The following SEMA3D variants were observed in gnomAD, a reference collection of about 807,000 sequenced individuals.
SEMA3D encodes semaphorin-3D.
In SEMA3D, 84 loss-of-function variants were observed where a neutral mutation model predicts 100.1. That is an observed-to-expected ratio of 0.84 (90% CI 0.70 to 1.01). The LOEUF is 1.01. SEMA3D is among the 50% of genes least tolerant of loss of function. The pLI is 0.00. For missense variants in SEMA3D, 875 were observed against 934.1 expected, an observed-to-expected ratio of 0.94 and a Z score of 0.82; for synonymous variants, 312 against 320.7, an observed-to-expected ratio of 0.97 and a Z score of 0.29.
At chr7:85,007,249 A>G (rs1387777974) in intron 17 of SEMA3D, among the ~76,000 whole-genome samples, 1 of 151,862 alleles carries the variant, frequency 6.6e-6, no homozygotes, top group Non-Finnish European at 1.5e-5. Context: ...AGCTGAATAA[A>G]TCTTTTGCAT....
At chr7:85,173,353 T>A (rs1048798655) in intron 1 of SEMA3D, among the ~76,000 whole-genome samples, 2 of 152,096 alleles carry the variant, frequency 1.3e-5, no homozygotes, top group African/African-American at 4.8e-5. Context: ...GGCTGACTCT[T>A]CTGTGGCAAC....
chr7:85,084,817 A>T (rs369582048), intron 4 of SEMA3D, among the ~76,000 whole-genome samples: 6 of 152,210 alleles, frequency 3.9e-5, no homozygotes, highest in African/African-American at 9.6e-5. Flanking sequence ...CTATATATCC[A>T]TGTATTCTCA....
chr7:85,087,388 A>G (rs1788252616), intron 4 of SEMA3D, among the ~76,000 whole-genome samples: 1 of 152,224 alleles, frequency 6.6e-6, no homozygotes, highest in Non-Finnish European at 1.5e-5. Flanking sequence ...CTTGATATCA[A>G]GGACTGCAAA....
At chr7:85,056,986 A>G (rs1008166668) in intron 8 of SEMA3D, among the ~76,000 whole-genome samples, 2 of 150,844 alleles carry the variant, frequency 1.3e-5, no homozygotes, top group Non-Finnish European at 3.0e-5. Context: ...TTATTAAGAT[A>G]GTTATGGGGC....
chr7:85,031,614 G>A (rs901509022), intron 12 of SEMA3D, among the ~76,000 whole-genome samples: 3 of 151,878 alleles, frequency 2.0e-5, no homozygotes, highest in Non-Finnish European at 4.4e-5. Context: ...AGTAGAGTAA[G>A]TTTCATTCCA....
At chr7:85,089,633 C>A (rs952942095) in intron 4 of SEMA3D, among the ~76,000 whole-genome samples, 1 of 152,078 alleles carries the variant, frequency 6.6e-6, no homozygotes, top group Admixed American at 6.6e-5. Flanking sequence ...GTAATCCTAG[C>A]ACTTTGGGAT....
At chr7:85,143,233 G>A (rs568536322) in intron 2 of SEMA3D, 1 of 684,942 alleles carries the variant, frequency 1.5e-6, no homozygotes, top group East Asian at 1.3e-4. Context: ...ATGCACTAAA[G>A]TAAATGTTAA....
the SEMA3D span, among the ~76,000 whole-genome samples, chr7:85,244,778 T>C: frequency 6.7e-6 from 1 of 149,810 alleles, no homozygotes; most frequent in Admixed American, 6.7e-5. Flanking sequence ...TGGTGCGATC[T>C]TGGCTCACTG....
rs536870203 is a variant in SEMA3D, at chr7:85,014,950, A to G, written c.1703+109T>C. The G allele has an allele frequency of 2.9e-4, 207 of 724,010 alleles. 2 individuals are homozygous for G. In the South Asian group the frequency reaches 5.6e-3, roughly 20 times the overall value. The allele number at this position is 724,010 out of a possible 1,614,324, so 44.8% of individuals were successfully genotyped here. ...GATTTTAATATTCCTTCCATAGGAC[A>G]TGTTAGTAATATATTTTCTCTTTAA... On this transcript the variant is annotated intron_variant, in intron 16 of 18. Transcript: ENST00000284136.
intron 9 of SEMA3D, among the ~76,000 whole-genome samples, chr7:85,050,092 C>G (rs973978386): frequency 4.7e-5 from 7 of 149,632 alleles, no homozygotes; most frequent in African/African-American, 2.5e-5. Context: ...CACACACACA[C>G]ACACACACAC....
In SEMA3D at chr7:85,083,320, AT is replaced by A. The variant is rs1334929071; in HGVS notation, c.313-1742del. The stretch of plus-strand genomic sequence containing the variant: ...TAACAACATAATTAAGAAAAAGAGA[AT>A]AATGTAAGTTAGTAAATAGATTAAC... On this transcript the variant is annotated intron_variant, in intron 4 of 18. Transcript: ENST00000284136. Among the ~76,000 whole-genome samples, 3 of 152,168 alleles carry A rather than the reference AT, an allele frequency of 2.0e-5. No individual in the cohort carries two copies. In the South Asian group the frequency reaches 6.2e-4, roughly 32 times the overall value.
chr7:85,201,539 G>C, the SEMA3D span, among the ~76,000 whole-genome samples: 6 of 152,128 alleles, frequency 3.9e-5, no homozygotes, highest in Admixed American at 3.9e-4. Flanking sequence ...ATGTAAATTA[G>C]AGATTTTAGT....
chr7:85,091,173 A>AGAAG (rs200628415), intron 4 of SEMA3D, among the ~76,000 whole-genome samples: 2 of 121,500 alleles, frequency 1.6e-5, no homozygotes, highest in African/African-American at 9.0e-5. Flanking sequence ...AAGGAAGGAA[A>AGAAG]GAAGGAAGGA....
intron 9 of SEMA3D, among the ~76,000 whole-genome samples, chr7:85,048,575 TA>T (rs1253556646): frequency 6.6e-6 from 1 of 151,862 alleles, no homozygotes. Context: ...TAATGGAAGA[TA>T]GTGAAGTTAT....
intron 17 of SEMA3D, among the ~76,000 whole-genome samples, chr7:85,011,136 T>C (rs1441719739): frequency 2.0e-5 from 3 of 151,842 alleles, no homozygotes; most frequent in Admixed American, 2.0e-4. Context: ...CTTTCAGTGG[T>C]TTAAAATCAG....
the SEMA3D span, among the ~76,000 whole-genome samples, chr7:85,193,848 C>A: frequency 6.9e-6 from 1 of 144,398 alleles, no homozygotes. Context: ...TCAACAATAA[C>A]AACAAAAATT....
rs780367040 is a variant in SEMA3D at position 84,999,830 on chromosome 7, A to G, written c.1944T>C (p.Tyr648=). The G allele has an allele frequency of 4.3e-6, 7 of 1,613,770 alleles. No homozygotes were observed. In the East Asian group the frequency reaches 1.3e-4, roughly 31 times the overall value. Residue 648 remains tyrosine (Y), a synonymous_variant, in exon 19 of 19, where the codon TAT becomes TAC. Coordinates refer to ENST00000284136, the MANE Select transcript of SEMA3D (RefSeq NM_001384900.1). ...KPDERIIKTE[Y]GLLIRSLQKK... ...TCTGCAAACTTCGAATCAGTAGCCC[A>G]TATTCCGTTTTGATGATTCTTTCAT...
intron 7 of SEMA3D, among the ~76,000 whole-genome samples, chr7:85,066,913 C>CACACACACACAGAGAGAGAGAG: frequency 7.8e-6 from 1 of 127,752 alleles, no homozygotes; most frequent in African/African-American, 3.2e-5. Flanking sequence ...CACACACACA[C>CACACACACACAGAGAGAGAGAG]AGAGAGAGAG....
chr7:85,081,400 T>G, intron 5 of SEMA3D, 117 bp downstream of exon 5: 1 of 623,472 alleles, frequency 1.6e-6, no homozygotes, highest in Non-Finnish European at 2.9e-6. Flanking sequence ...TAGAATATGT[T>G]AGTTTAGTCT....
Sources: allele counts gnomAD v4.1 joint callset (sites outside exome capture counted in the v4.1 genomes callset), GRCh38; gene constraint gnomAD v4.1.1; transcripts MANE v1.5; gene names NCBI Gene and HGNC (gene_info 2026-07-23, HGNC 2026-07-21).